USH2A: variants seen among roughly 807,000 people sequenced by gnomAD.
USH2A encodes the protein Usher syndrome 2A (autosomal recessive, mild).
USH2A carries 443 observed loss-of-function variants against 538.9 expected under a neutral mutation model. The observed-to-expected ratio is 0.82, with a 90% confidence interval of 0.76 to 0.89. The LOEUF is 0.89. USH2A is among the 40% of genes least tolerant of loss of function. The pLI is 0.00. For missense variants in USH2A, 6,633 were observed against 6,324.8 expected, an observed-to-expected ratio of 1.05 and a Z score of -1.65; for synonymous variants, 2,413 against 2,273.5, an observed-to-expected ratio of 1.06 and a Z score of -1.75.
intron 43 of USH2A, among the ~76,000 whole-genome samples, chr1:215,876,630 A>G (rs1664782149): frequency 6.6e-6 from 1 of 152,218 alleles, no homozygotes; most frequent in Admixed American, 6.5e-5. Context: ...CAGTCAGGCC[A>G]GTACACTACA....
At chr1:215,710,353 T>C (rs1290352831) in intron 61 of USH2A, among the ~76,000 whole-genome samples, 1 of 152,210 alleles carries the variant, frequency 6.6e-6, no homozygotes, top group Non-Finnish European at 1.5e-5. Flanking sequence ...AATGCTCAGA[T>C]GTATCCCCCA....
chr1:216,070,261 G>A lies in USH2A; in HGVS notation c.5889C>T (p.Val1963=), dbSNP rs558615453. The change falls in exon 30 of 72, where the codon GTC becomes GTT. Residue 1963 remains valine (V), a synonymous_variant. Coordinates refer to ENST00000307340, the MANE Select transcript of USH2A (RefSeq NM_206933.4). ...APQSVPTPSR[V]RSLNGYSIEV... Reference sequence around the variant, plus strand: ...CAATGCTGTATCCATTTAAGCTGCGGACTCTTGAGGGAGTTGGCACACTTT... The same window carrying A: ...CAATGCTGTATCCATTTAAGCTGCGAACTCTTGAGGGAGTTGGCACACTTT... 6.2e-7 allele frequency: 1 copy of A among 1,613,944 alleles called. No individual in the cohort carries two copies. Among genetic ancestry groups the A allele is most frequent in the East Asian group, 2.2e-5 (1 of 44,864 alleles).
intron 61 of USH2A, among the ~76,000 whole-genome samples, chr1:215,705,379 A>G (rs1659156054): frequency 6.6e-6 from 1 of 152,190 alleles, no homozygotes; most frequent in Non-Finnish European, 1.5e-5. Flanking sequence ...TTAAGTGGCA[A>G]TTAAACTCAA....
chr1:216,145,789 G>A (rs567603093), intron 21 of USH2A, among the ~76,000 whole-genome samples: 12 of 152,196 alleles, frequency 7.9e-5, no homozygotes, highest in South Asian at 6.2e-4. Context: ...ACATTACCTC[G>A]TGAAAGTCCT....
chr1:215,966,244 A>C (rs1355059491), intron 36 of USH2A, among the ~76,000 whole-genome samples: 1 of 152,166 alleles, frequency 6.6e-6, no homozygotes, highest in Non-Finnish European at 1.5e-5. Context: ...TAAATAAGTA[A>C]AATAAGTGGT....
intron 40 of USH2A, among the ~76,000 whole-genome samples, chr1:215,896,951 TAAAATATTCATAGGA>T (rs1173389907): frequency 6.6e-6 from 1 of 152,122 alleles, no homozygotes; most frequent in Non-Finnish European, 1.5e-5. Flanking sequence ...TAACAGGATT[TAAAATATTCATAGGA>T]AATGTGCATT....
chr1:215,879,943 T>C (rs576050015), intron 41 of USH2A, among the ~76,000 whole-genome samples: 1 of 152,298 alleles, frequency 6.6e-6, no homozygotes, highest in African/African-American at 2.4e-5. Flanking sequence ...TGGTACCTTC[T>C]AGTGCTCTTT....
intron 9 of USH2A, among the ~76,000 whole-genome samples, chr1:216,297,357 T>G (rs1571674796): frequency 6.6e-6 from 1 of 152,104 alleles, no homozygotes; most frequent in South Asian, 2.1e-4. Flanking sequence ...AGTTAGTTAC[T>G]CCTAGAGTCC....
At chr1:215,857,876 G>T (rs1257943704) in intron 44 of USH2A, among the ~76,000 whole-genome samples, 1 of 152,148 alleles carries the variant, frequency 6.6e-6, no homozygotes, top group Non-Finnish European at 1.5e-5. Context: ...CCCTAATGGT[G>T]TATAGCCAGG....
chr1:215,719,276 T>G (rs1659582885), intron 61 of USH2A, among the ~76,000 whole-genome samples: 1 of 147,408 alleles, frequency 6.8e-6, no homozygotes, highest in Admixed American at 7.0e-5. Flanking sequence ...GGTGGAAATC[T>G]CCTGAGGAGG....
chr1:215,844,613 G>C, intron 45 of USH2A, 117 bp from the exon 46 acceptor site: 1 of 1,049,718 alleles, frequency 9.5e-7, no homozygotes, highest in Non-Finnish European at 1.4e-6. Flanking sequence ...TCTGCTTTTC[G>C]CTGATGAAGT....
intron 3 of USH2A, among the ~76,000 whole-genome samples, chr1:216,413,432 C>G (rs2039525503): frequency 6.6e-6 from 1 of 152,034 alleles, no homozygotes; most frequent in Admixed American, 6.6e-5. Context: ...CATGGGCATA[C>G]AGTTCAGAGA....
chr1:216,187,808 A>T (rs905006112), intron 20 of USH2A, among the ~76,000 whole-genome samples: 7 of 152,044 alleles, frequency 4.6e-5, no homozygotes, highest in Non-Finnish European at 8.8e-5. Flanking sequence ...TCCTCATCAG[A>T]ACCCTACAAA....
intron 11 of USH2A, among the ~76,000 whole-genome samples, chr1:216,257,782 A>C (rs185706313): frequency 6.6e-6 from 1 of 152,000 alleles, no homozygotes; most frequent in Non-Finnish European, 1.5e-5. Flanking sequence ...TTATATTGCT[A>C]TGACTTCAAG....
intron 32 of USH2A, among the ~76,000 whole-genome samples, chr1:216,009,612 C>T (rs1047865697): frequency 3.9e-5 from 6 of 152,084 alleles, no homozygotes; most frequent in African/African-American, 9.7e-5. Context: ...CAACCCCAAG[C>T]GTCCAAGCGT....
intron 21 of USH2A, among the ~76,000 whole-genome samples, chr1:216,102,685 A>G (rs1229609913): frequency 2.6e-5 from 4 of 152,080 alleles, no homozygotes; most frequent in Non-Finnish European, 5.9e-5. Context: ...CTGTAGTCCC[A>G]GCTACTCGGG....
intron 30 of USH2A, among the ~76,000 whole-genome samples, chr1:216,051,853 C>T (rs929253883): frequency 3.9e-5 from 6 of 152,134 alleles, no homozygotes; most frequent in Non-Finnish European, 8.8e-5. Flanking sequence ...TACAGCCTGG[C>T]TTTATAAAAT....
chr1:215,697,494 C>T (rs79179740), intron 61 of USH2A, among the ~76,000 whole-genome samples: 222 of 150,722 alleles, frequency 1.5e-3, no homozygotes, highest in African/African-American at 5.1e-3. Flanking sequence ...TTTCTGTAAT[C>T]CTACTTCTGC....
intron 60 of USH2A, among the ~76,000 whole-genome samples, chr1:215,732,351 T>C (rs998277854): frequency 1.2e-4 from 18 of 152,100 alleles, no homozygotes; most frequent in Non-Finnish European, 4.4e-5. Flanking sequence ...CCTATGCTTA[T>C]CCTTAATCTG....
Sources: gnomAD v4.1 joint callset for allele counts (sites outside exome capture counted in the v4.1 genomes callset) on GRCh38, gnomAD v4.1.1 for gene constraint, MANE v1.5 for transcripts, NCBI Gene and HGNC (gene_info 2026-07-23, HGNC 2026-07-21) for gene names.